Variants in PEAR1 observed in about 807,000 individuals in gnomAD.
PEAR1 encodes multiple EGF-like domains protein 12.
A neutral mutation model predicts 131.2 loss-of-function variants in PEAR1; 113 were observed. The observed-to-expected ratio is 0.86, with a 90% CI of 0.74 to 1.01. The LOEUF (loss-of-function observed/expected upper bound fraction) is 1.01, where lower values mean the gene tolerates loss of function less well. Among genes scored for constraint, PEAR1 ranks in the 50% least tolerant of loss-of-function variants. The pLI is 0.00. For missense variants in PEAR1, 1,408 were observed against 1,391.1 expected (o/e 1.01, Z -0.19); for synonymous variants, 565 against 523.3 (o/e 1.08, Z -1.09).
rs1180043036 is a variant in PEAR1, at chr1:156,907,970, AG to A, written c.823del (p.Glu275AsnfsTer102). ...GGCTTTCACGGACCCAACTGCTCCC[AG>A]GAATGTCGCTGCCACAACGGCGGCC... The part of the protein sequence containing the change: ...PEGFHGPNCS[Q>X]ECRCHNGGLC... On this transcript the variant is annotated frameshift_variant, in exon 8 of 23. Coordinates refer to ENST00000292357, the MANE Select transcript of PEAR1 (RefSeq NM_001080471.3). LOFTEE classifies it high-confidence loss of function. The A allele has an allele frequency of 1.3e-6, 2 of 1,581,136 alleles. No individual in the cohort carries two copies. Among genetic ancestry groups the A allele is most frequent in the African/African-American group, 2.7e-5 (2 of 74,154 alleles).
intron 4 of PEAR1, among the ~76,000 whole-genome samples, chr1:156,905,717 G>T (rs1650227219): frequency 6.6e-6 from 1 of 152,062 alleles, no homozygotes; most frequent in South Asian, 2.1e-4. Flanking sequence ...CTCTTGTTCT[G>T]TCTTTGGGCT....
chr1:156,907,753 G>T (rs1261993915), intron 7 of PEAR1, 23 bp downstream of exon 7: 1 of 1,596,828 alleles, frequency 6.3e-7, no homozygotes, highest in Non-Finnish European at 8.5e-7. Flanking sequence ...GGGCCTGTGG[G>T]CATGGGGTGT....
rs369200979 is a variant in PEAR1, at chr1:156,906,272, C to G, written c.308-4C>G. 7.7e-5 allele frequency: 124 copies of G among 1,613,954 alleles called. No homozygotes were observed. Among genetic ancestry groups the G allele is most frequent in the Non-Finnish European group, 9.7e-5 (115 of 1,179,944 alleles). Reference sequence around the variant, plus strand: ...ACATCTCACCACACCCATCTCTGTCCCAGCGCTCTGTGCCCAGGAGTGTGT... The same window carrying G: ...ACATCTCACCACACCCATCTCTGTCGCAGCGCTCTGTGCCCAGGAGTGTGT... On this transcript the variant is annotated splice_region_variant and splice_polypyrimidine_tract_variant and intron_variant, in intron 4 of 22. Coordinates refer to ENST00000292357, the MANE Select transcript of PEAR1 (RefSeq NM_001080471.3).
rs763334315 is a variant in PEAR1, at chr1:156,908,981, A to T, written c.1356A>T (p.Ser452=). 7.4e-6 allele frequency: 12 copies of T among 1,613,926 alleles called. No individual in the cohort carries two copies. The highest frequency in any genetic ancestry group is 1.0e-5 in the Non-Finnish European group (12 of 1,179,942). ...TYGVNCSARC[S]CENAIACSPI... ...GTGTCAACTGTTCTGCACGCTGCTC[A>T]TGTGAAAATGCCATCGCCTGCTCAC... The change falls in exon 11 of 23, where the codon TCA becomes TCT. Residue 452 remains serine (S), a synonymous_variant. Coordinates refer to ENST00000292357, the MANE Select transcript of PEAR1 (RefSeq NM_001080471.3). The surrounding 1 kb of genome is among the most constrained non-coding windows in gnomAD (Gnocchi z 4.2).
At chr1:156,895,459 G>A (rs1349106333) in intron 1 of PEAR1, among the ~76,000 whole-genome samples, 1 of 152,218 alleles carries the variant, frequency 6.6e-6, no homozygotes, top group Non-Finnish European at 1.5e-5. Context: ...GGGGGACCCT[G>A]GGGTGCCATC....
In PEAR1 at chr1:156,909,808, G is replaced by C; in HGVS notation, c.1469G>C (p.Cys490Ser). Residue 490 changes from cysteine (C) to serine (S), a missense_variant, in exon 12 of 23, where the codon TGC becomes TCC. Coordinates refer to ENST00000292357, the MANE Select transcript of PEAR1 (RefSeq NM_001080471.3). ...CCACCCGGAACCTGGGGCTTCAGTTGCAATGCCAGCTGCCAGTGTGCCCAT... is the reference window on the plus strand; with the variant it reads ...CCACCCGGAACCTGGGGCTTCAGTTCCAATGCCAGCTGCCAGTGTGCCCAT... ...PCPPGTWGFSCNASCQCAHEA... is the reference protein window; with the variant it reads ...PCPPGTWGFSSNASCQCAHEA... 1 of 1,614,004 alleles carries C rather than the reference G, an allele frequency of 6.2e-7. No homozygotes were observed. Among genetic ancestry groups the C allele is most frequent in the Non-Finnish European group, 8.5e-7 (1 of 1,179,892 alleles).
chr1:156,900,714 G>A (rs915363263), intron 1 of PEAR1, among the ~76,000 whole-genome samples: 1 of 152,168 alleles, frequency 6.6e-6, no homozygotes, highest in African/African-American at 2.4e-5. Context: ...AGGCTTGGAG[G>A]GTGAAGGTTG....
chr1:156,911,429 A>T (rs1178285398), intron 15 of PEAR1, among the ~76,000 whole-genome samples: 1 of 150,532 alleles, frequency 6.6e-6, no homozygotes, highest in Non-Finnish European at 1.5e-5. Flanking sequence ...ACAGGCACAC[A>T]CCACCACAGC....
Position 156,906,734 on chromosome 1 carries a change from T to C in PEAR1, c.498T>C (p.Pro166=), listed in dbSNP as rs374122428. The change falls in exon 6 of 23, where the codon CCT becomes CCC. Residue 166 remains proline, a synonymous_variant. Coordinates refer to ENST00000292357, the MANE Select transcript of PEAR1 (RefSeq NM_001080471.3). Reference sequence around the variant, plus strand: ...CCAAGAGTGGGGTATGTTCTTGCCCTTCTGGTCTGCAGCCCCCGAACTGCC... The same window carrying C: ...CCAAGAGTGGGGTATGTTCTTGCCCCTCTGGTCTGCAGCCCCCGAACTGCC... ...CDPKSGVCSC[P]SGLQPPNCLQ... is the part of the protein sequence containing the mutation. The C allele has an allele frequency of 4.3e-6, 7 of 1,614,216 alleles. No homozygotes were observed. The highest frequency in any genetic ancestry group is 4.5e-5 in the East Asian group (2 of 44,880).
chr1:156,906,594 A>G (rs1650333581), intron 5 of PEAR1, 43 bp from the exon 6 acceptor site: 1 of 1,611,060 alleles, frequency 6.2e-7, no homozygotes, highest in African/African-American at 1.3e-5. Flanking sequence ...CTGGGGATGG[A>G]CTAGACCCCT....
chr1:156,915,699 T>G lies in PEAR1; in HGVS notation c.*901T>G, dbSNP rs4661012. On this transcript the variant is annotated 3_prime_UTR_variant, in exon 23 of 23. Transcript: ENST00000292357. ...CAGGGTGCCAGGCACTTCTTTAATG[T>G]GTTCTTTCTTTATGTGATTATTTGA... 55,428 of 152,134 alleles carry G rather than the reference T, an allele frequency of 0.36. 10,455 individuals are homozygous for G. Among genetic ancestry groups the G allele is most frequent in the East Asian group, 0.55 (2,834 of 5,168 alleles). 9.4% of individuals were successfully genotyped at this position (152,134 alleles called of 1,614,324 possible). A position where few individuals can be genotyped will look rare whatever the true frequency, so the allele number is the denominator to read the frequency against.
Position 156,905,306 on chromosome 1 carries a change from C to A in PEAR1, c.207-18C>A. The A allele has an allele frequency of 6.2e-7, 1 of 1,608,438 alleles. No homozygotes were observed. The highest frequency in any genetic ancestry group is 8.5e-7 in the Non-Finnish European group (1 of 1,178,982). On this transcript the variant is annotated intron_variant, in intron 3 of 22. Transcript: ENST00000292357. Reference sequence around the variant, plus strand: ...GGACAGCAGGGAGGGCTGAGGGCCGCCTTCCTGGCCTCCGCAGGGTTGTAT... The same window carrying A: ...GGACAGCAGGGAGGGCTGAGGGCCGACTTCCTGGCCTCCGCAGGGTTGTAT...
intron 1 of PEAR1, among the ~76,000 whole-genome samples, chr1:156,898,810 A>T (rs745381982): frequency 6.6e-6 from 1 of 152,206 alleles, no homozygotes; most frequent in Non-Finnish European, 1.5e-5. Context: ...TTGAAAGTGG[A>T]TGCTGTTATG....
chr1:156,910,465 C>T (rs1464427414), intron 14 of PEAR1, 85 bp downstream of exon 14: 18 of 1,540,894 alleles, frequency 1.2e-5, no homozygotes, highest in Non-Finnish European at 1.6e-5. Flanking sequence ...CCCCCGCGCC[C>T]GCCGCCCACC....
Position 156,906,885 on chromosome 1 carries a change from G to A in PEAR1, c.644+5G>A, listed in dbSNP as rs776996882. 1 of 1,613,080 alleles carries A rather than the reference G, an allele frequency of 6.2e-7. No homozygotes were observed. Among genetic ancestry groups the A allele is most frequent in the South Asian group, 1.1e-5 (1 of 91,038 alleles). On this transcript the variant is annotated splice_donor_5th_base_variant and intron_variant, in intron 6 of 22. Coordinates refer to ENST00000292357, the MANE Select transcript of PEAR1 (RefSeq NM_001080471.3). ...CGCAGAGAGAACTGGGCCCAGGTAT[G>A]TAATGGGGGGAACGACACTTTAACA...
chr1:156,908,388 G>C lies in PEAR1; in HGVS notation c.1115+48G>C. On this transcript the variant is annotated intron_variant, in intron 9 of 22. Transcript: ENST00000292357. The surrounding 1 kb of genome is among the most constrained non-coding windows in gnomAD (Gnocchi z 4.2). ...AAAGGATCAGGAGGCCAATGGGGAG[G>C]TCTTCCTGGCCGAAGTCACCACAGA... 6.9e-7 allele frequency: 1 copy of C among 1,456,242 alleles called. No homozygotes were observed. The highest frequency in any genetic ancestry group is 9.1e-7 in the Non-Finnish European group (1 of 1,102,426). 90.2% of individuals were successfully genotyped at this position (1,456,242 alleles called of 1,614,324 possible).
At chr1:156,910,203 G>A in intron 13 of PEAR1, 31 bp from the exon 14 acceptor site, 2 of 1,610,728 alleles carry the variant, frequency 1.2e-6, no homozygotes, top group Non-Finnish European at 1.7e-6. Flanking sequence ...AGGGGGCCCA[G>A]CCAGGCACAC....
rs1270602042 is a variant in PEAR1, at chr1:156,913,951, C to T, written c.2813C>T (p.Pro938Leu). The change falls in exon 22 of 23, where the codon CCC becomes CTC. Residue 938 changes from proline to leucine, a missense_variant. By Grantham distance (98) the Pro-to-Leu change is moderately conservative (BLOSUM62 -3). Transcript: ENST00000292357. Reference protein sequence around the residue: ...IRDLPSLPGGPRESSYMEMKG... With the variant: ...IRDLPSLPGGLRESSYMEMKG... ...GACCTGCCCAGCTTGCCAGGGGGCCCCCGGGAGAGCAGCTACATGGAGATG... is the reference window on the plus strand; with the variant it reads ...GACCTGCCCAGCTTGCCAGGGGGCCTCCGGGAGAGCAGCTACATGGAGATG... 3.7e-6 allele frequency: 6 copies of T among 1,614,036 alleles called. No homozygotes were observed. The South Asian group carries it at 6.6e-5, about 18-fold the overall frequency.
In PEAR1 at chr1:156,905,545, T is replaced by TC. The variant is rs559192429; in HGVS notation, c.307+127dup. 4.4e-4 allele frequency: 363 copies of TC among 818,206 alleles called. No individual in the cohort carries two copies. In the African/African-American group the frequency reaches 5.6e-3, roughly 13 times the overall value. 50.7% of individuals were successfully genotyped at this position (818,206 alleles called of 1,614,324 possible). ...GGGTTACTCCTCTGCCCTTTTGGGTTCCCCCCTCCTCTCCTCTCCCTGGCC... is the reference window on the plus strand; with the variant it reads ...GGGTTACTCCTCTGCCCTTTTGGGTTCCCCCCCTCCTCTCCTCTCCCTGGCC... On this transcript the variant is annotated intron_variant, in intron 4 of 22. Coordinates refer to ENST00000292357, the MANE Select transcript of PEAR1 (RefSeq NM_001080471.3).
Sources: gnomAD v4.1 joint callset for allele counts (sites outside exome capture counted in the v4.1 genomes callset) on GRCh38, gnomAD v4.1.1 for gene constraint, Gnocchi (gnomAD v3.1) non-coding constraint, MANE v1.5 for transcripts, NCBI Gene and HGNC (gene_info 2026-07-23, HGNC 2026-07-21) for gene names.